ENPEP: variants seen among roughly 807,000 people sequenced by gnomAD.
The protein encoded by ENPEP is glutamyl aminopeptidase.
ENPEP carries 103 observed loss-of-function variants against 114.5 expected under a neutral mutation model. That is an observed-to-expected ratio of 0.90 (90% CI 0.77 to 1.06). ENPEP has a LOEUF of 1.06. ENPEP is among the 50% of genes least tolerant of loss of function. The pLI is 0.00. For synonymous variants in ENPEP, 420 were observed against 422.0 expected (o/e 1.00, Z 0.06); for missense variants, 1,196 against 1,161.3 (o/e 1.03, Z -0.43).
intron 10 of ENPEP, among the ~76,000 whole-genome samples, chr4:110,527,895 T>G (rs567980775): frequency 1.3e-5 from 2 of 152,180 alleles, no homozygotes; most frequent in African/African-American, 2.4e-5. Context: ...AACTAAGGAG[T>G]TTTTTTAATT....
At position 110,515,621 on chromosome 4, in the gene ENPEP, C is replaced by A. The variant is rs1047397270; in HGVS notation, c.1509+179C>A. On this transcript the variant is annotated intron_variant, in intron 8 of 19. Transcript: ENST00000265162. The stretch of plus-strand genomic sequence containing the variant: ...ATCCAATTGAGTACCTACATTGTAT[C>A]TGTAATGATCATTTAGCAGAAGTCT... The A allele has an allele frequency of 2.4e-5, 15 of 626,660 alleles. No homozygotes were observed. In the African/African-American group the frequency reaches 2.8e-4, roughly 12 times the overall value. 38.8% of individuals were successfully genotyped at this position (626,660 alleles called of 1,614,324 possible). A position where few individuals can be genotyped will look rare whatever the true frequency, so the allele number is the denominator to read the frequency against.
chr4:110,528,706 C>T (rs1726292178), intron 10 of ENPEP, among the ~76,000 whole-genome samples: 2 of 152,150 alleles, frequency 1.3e-5, no homozygotes, highest in East Asian at 3.9e-4. Context: ...TTTGATAGTC[C>T]ACTCCATGTA....
intron 19 of ENPEP, 47 bp from the exon 20 acceptor site, chr4:110,561,359 A>G: frequency 6.3e-7 from 1 of 1,588,310 alleles, no homozygotes; most frequent in African/African-American, 1.4e-5. Flanking sequence ...CTTGAAGACT[A>G]ATTTGGCTAT....
Position 110,477,068 on chromosome 4 carries a change from A to T in ENPEP, c.644+10A>T. Reference sequence around the variant, plus strand: ...AGAACGGACAAGTCAAGTAAATATTAATTTTTGCTTTACCTCCCTTAAGCT... The same window carrying T: ...AGAACGGACAAGTCAAGTAAATATTTATTTTTGCTTTACCTCCCTTAAGCT... On this transcript the variant is annotated intron_variant, in intron 1 of 19. Coordinates refer to ENST00000265162, the MANE Select transcript of ENPEP (RefSeq NM_001977.4). The T allele has an allele frequency of 6.2e-7, 1 of 1,606,062 alleles. No individual in the cohort carries two copies. Among genetic ancestry groups the T allele is most frequent in the Non-Finnish European group, 8.5e-7 (1 of 1,175,238 alleles).
chr4:110,510,430 G>T, intron 6 of ENPEP, 72 bp downstream of exon 6: 6 of 1,271,862 alleles, frequency 4.7e-6, no homozygotes, highest in South Asian at 1.2e-5. Flanking sequence ...TTTGGACTAT[G>T]ATAATGGTCC....
At chr4:110,481,970 G>A (rs1185639284) in intron 1 of ENPEP, among the ~76,000 whole-genome samples, 2 of 152,188 alleles carry the variant, frequency 1.3e-5, no homozygotes, top group African/African-American at 4.8e-5. Flanking sequence ...GAAAAGCAGA[G>A]TGGGGACAAG....
chr4:110,542,128 A>G (rs1726872341), intron 11 of ENPEP, among the ~76,000 whole-genome samples: 1 of 152,132 alleles, frequency 6.6e-6, no homozygotes, highest in Admixed American at 6.6e-5. Flanking sequence ...AATTGGAAGA[A>G]CAAGTGTGAA....
At chr4:110,484,595 A>G (rs141583037) in intron 1 of ENPEP, among the ~76,000 whole-genome samples, 1 of 151,976 alleles carries the variant, frequency 6.6e-6, no homozygotes, top group Non-Finnish European at 1.5e-5. Flanking sequence ...GTTCTGTTCC[A>G]TGTCCGTTGG....
intron 6 of ENPEP, among the ~76,000 whole-genome samples, chr4:110,511,058 ATGG>A (rs1725555199): frequency 6.6e-6 from 1 of 152,164 alleles, no homozygotes; most frequent in African/African-American, 2.4e-5. Context: ...TATTTATATC[ATGG>A]GAGTATTCTT....
intron 2 of ENPEP, among the ~76,000 whole-genome samples, chr4:110,490,551 C>T (rs147691289): frequency 2.0e-5 from 3 of 152,112 alleles, no homozygotes; most frequent in East Asian, 3.9e-4. Context: ...CCATGGAGAC[C>T]GAGCCACTGA....
At position 110,559,716 on chromosome 4, in the gene ENPEP, A is replaced by G. The variant is rs763823814; in HGVS notation, c.2712A>G (p.Gln904=). 30 of 1,613,276 alleles carry G rather than the reference A, an allele frequency of 1.9e-5. No individual in the cohort carries two copies. The South Asian group carries it at 3.3e-4, about 18-fold the overall frequency. Reference sequence around the variant, plus strand: ...CAGAGCCATTCAACACTGAACTGCAACTGTGGCAGGTATGAAGATAAATTC... The same window carrying G: ...CAGAGCCATTCAACACTGAACTGCAGCTGTGGCAGGTATGAAGATAAATTC... The part of the protein sequence containing the change: ...TIAEPFNTEL[Q]LWQMESFFAK... Residue 904 remains glutamine, a synonymous_variant, in exon 19 of 20, where the codon CAA becomes CAG. Transcript: ENST00000265162.
intron 10 of ENPEP, among the ~76,000 whole-genome samples, chr4:110,530,536 T>C (rs1382754220): frequency 5.9e-5 from 9 of 152,156 alleles, no homozygotes; most frequent in Non-Finnish European, 1.3e-4. Context: ...AACTGTTAAG[T>C]GTATATATCA....
intron 1 of ENPEP, among the ~76,000 whole-genome samples, chr4:110,485,315 A>G (rs546881025): frequency 3.9e-5 from 6 of 152,290 alleles, no homozygotes; most frequent in African/African-American, 1.2e-4. Flanking sequence ...ACATAATTTC[A>G]GACTCATAGG....
chr4:110,476,401 C>T lies in ENPEP; in HGVS notation c.-14C>T, dbSNP rs1331732980. The T allele has an allele frequency of 2.0e-6, 3 of 1,510,572 alleles. No homozygotes were observed. The highest frequency in any genetic ancestry group is 2.8e-5 in the African/African-American group (2 of 71,570). The allele number at this position is 1,510,572 out of a possible 1,614,324, so 93.6% of individuals were successfully genotyped here. On this transcript the variant is annotated 5_prime_UTR_variant, in exon 1 of 20. Coordinates refer to ENST00000265162, the MANE Select transcript of ENPEP (RefSeq NM_001977.4). ...ACATCTTTTTATGTGTAACACTTGACTTTGGAAGCAAAAATGAACTTTGCG... is the reference window on the plus strand; with the variant it reads ...ACATCTTTTTATGTGTAACACTTGATTTTGGAAGCAAAAATGAACTTTGCG...
At chr4:110,493,618 A>G (rs1440100422) in intron 3 of ENPEP, among the ~76,000 whole-genome samples, 2 of 152,158 alleles carry the variant, frequency 1.3e-5, no homozygotes, top group Non-Finnish European at 2.9e-5. Context: ...ACAGAACCTA[A>G]TGGGAGAAAT....
intron 4 of ENPEP, among the ~76,000 whole-genome samples, chr4:110,508,182 T>C (rs1315578012): frequency 6.7e-6 from 1 of 149,534 alleles, no homozygotes; most frequent in East Asian, 2.0e-4. Flanking sequence ...AATTATATCT[T>C]AGACTCCTTA....
rs572389364 is a variant in ENPEP, at chr4:110,539,623, C to T, written c.1808-3128C>T. ...GACCAGGCTGGTCTCAAACTGGTCTCAAGCAGTCCTCCTATCTTGGCCTCC... is the reference window on the plus strand; with the variant it reads ...GACCAGGCTGGTCTCAAACTGGTCTTAAGCAGTCCTCCTATCTTGGCCTCC... On this transcript the variant is annotated intron_variant, in intron 11 of 19. Transcript: ENST00000265162. Among the ~76,000 whole-genome samples, 62 of 152,208 alleles carry T rather than the reference C, an allele frequency of 4.1e-4. 1 individual carries two copies. Among genetic ancestry groups the T allele is most frequent in the Admixed American group, 7.9e-4 (12 of 15,280 alleles).
chr4:110,554,124 T>C (rs148891900), intron 18 of ENPEP, among the ~76,000 whole-genome samples: 133 of 152,144 alleles, frequency 8.7e-4, no homozygotes, highest in Middle Eastern at 6.8e-3. Context: ...AGTTCTTTGA[T>C]AGAGTACAAA....
At chr4:110,554,423 A>G (rs1435918148) in intron 18 of ENPEP, among the ~76,000 whole-genome samples, 1 of 151,986 alleles carries the variant, frequency 6.6e-6, no homozygotes. Context: ...TCTAGCTCCC[A>G]ACCAAAATAC....
Sources: allele counts gnomAD v4.1 joint callset (sites outside exome capture counted in the v4.1 genomes callset), GRCh38; gene constraint gnomAD v4.1.1; transcripts MANE v1.5; gene names NCBI Gene and HGNC (gene_info 2026-07-23, HGNC 2026-07-21).